Variants in CLVS1 observed in about 807,000 individuals in gnomAD.
CLVS1 encodes the protein clavesin 1.
CLVS1 carries 10 observed loss-of-function variants against 33.1 expected under a neutral mutation model. The ratio of observed to expected loss-of-function variants is 0.30; its 90% CI spans 0.19 to 0.51. CLVS1 has a LOEUF of 0.51. Among genes scored for constraint, CLVS1 ranks in the 20% least tolerant of loss-of-function variants. CLVS1 has a pLI of 0.97. For synonymous variants in CLVS1, 163 were observed against 166.1 expected, an observed-to-expected ratio of 0.98 and a Z score of 0.14; for missense variants, 343 against 433.4, an observed-to-expected ratio of 0.79 and a Z score of 1.85.
chr8:61,062,361 G>T (rs1804597412), intron 1 of CLVS1, among the ~76,000 whole-genome samples: 1 of 152,214 alleles, frequency 6.6e-6, no homozygotes. Flanking sequence ...CAGGCGTAGA[G>T]ACAGGGTTAC....
intron 5 of CLVS1, among the ~76,000 whole-genome samples, chr8:61,486,098 A>AAAATAAAT (rs57652285): frequency 0.034 from 5,143 of 150,276 alleles, 104 homozygotes; most frequent in African/African-American, 0.058. Context: ...AAGTATAATT[A>AAAATAAAT]AAATAAATAA....
intron 2 of CLVS1, among the ~76,000 whole-genome samples, chr8:61,357,494 C>CTTTTTT (rs1167743712): frequency 0.018 from 460 of 25,806 alleles, 31 homozygotes; most frequent in Non-Finnish European, 0.021. Context: ...TTTTTCTTTT[C>CTTTTTT]TTTTTTTTTT....
At chr8:61,161,268 C>T (rs976942935) in intron 2 of CLVS1, among the ~76,000 whole-genome samples, 3 of 152,028 alleles carry the variant, frequency 2.0e-5, no homozygotes, top group East Asian at 1.9e-4. Flanking sequence ...ATGGAGGCAC[C>T]GCAGAAAACT....
At chr8:61,308,797 C>G (rs977564079) in intron 2 of CLVS1, among the ~76,000 whole-genome samples, 14 of 152,154 alleles carry the variant, frequency 9.2e-5, no homozygotes, top group Admixed American at 4.6e-4. Context: ...CCACAAGGAT[C>G]TATGTTTGTA....
At chr8:61,487,072 A>G (rs1462033755) in intron 5 of CLVS1, among the ~76,000 whole-genome samples, 1 of 152,200 alleles carries the variant, frequency 6.6e-6, no homozygotes, top group African/African-American at 2.4e-5. Context: ...AGATCTTGTT[A>G]AAATACAGAT....
At chr8:61,095,363 G>C (rs1453052894) in intron 1 of CLVS1, among the ~76,000 whole-genome samples, 1 of 152,170 alleles carries the variant, frequency 6.6e-6, no homozygotes, top group African/African-American at 2.4e-5. Context: ...CCAGAGCAGG[G>C]GCAGGGCTGG....
intron 3 of CLVS1, among the ~76,000 whole-genome samples, chr8:61,413,164 C>T (rs923713655): frequency 5.3e-5 from 8 of 151,982 alleles, no homozygotes; most frequent in Non-Finnish European, 1.2e-4. Flanking sequence ...GGGTGGAGCC[C>T]AGCCCAAGAT....
At chr8:61,185,308 AT>A (rs11423051) in intron 2 of CLVS1, among the ~76,000 whole-genome samples, 9,198 of 138,700 alleles carry the variant, frequency 0.066, 426 homozygotes, top group African/African-American at 0.14. Context: ...TGCCCGGCTA[AT>A]TTTTTTTTTT....
At chr8:61,467,755 A>C (rs1420129647) in intron 5 of CLVS1, among the ~76,000 whole-genome samples, 1 of 152,218 alleles carries the variant, frequency 6.6e-6, no homozygotes, top group Non-Finnish European at 1.5e-5. Context: ...GCTGTACCAC[A>C]TTGCAGAAGC....
the CLVS1 span, among the ~76,000 whole-genome samples, chr8:60,987,595 C>T: frequency 6.6e-6 from 1 of 152,136 alleles, no homozygotes; most frequent in Non-Finnish European, 1.5e-5. Context: ...AATAGTTAAC[C>T]TCTGAACCTC....
At chr8:61,217,780 G>C (rs990260273) in intron 2 of CLVS1, among the ~76,000 whole-genome samples, 44 of 152,136 alleles carry the variant, frequency 2.9e-4, no homozygotes, top group African/African-American at 8.9e-4. Context: ...TTAATATCCA[G>C]AATATACAAG....
At chr8:61,303,366 C>T (rs1277712544) in intron 2 of CLVS1, among the ~76,000 whole-genome samples, 1 of 152,170 alleles carries the variant, frequency 6.6e-6, no homozygotes, top group Non-Finnish European at 1.5e-5. Context: ...TCAATTCTCT[C>T]TTGTGTAAAA....
chr8:61,141,315 A>AGTT (rs1806304523), intron 2 of CLVS1, among the ~76,000 whole-genome samples: 1 of 151,966 alleles, frequency 6.6e-6, no homozygotes, highest in African/African-American at 2.4e-5. Context: ...CTACCTTATA[A>AGTT]CCTCAGTTGT....
intron 2 of CLVS1, among the ~76,000 whole-genome samples, chr8:61,272,546 G>T (rs1351352656): frequency 3.3e-5 from 5 of 152,266 alleles, no homozygotes; most frequent in East Asian, 3.9e-4. Context: ...GGCCTGCCTT[G>T]CTAGATTGGG....
At chr8:61,084,224 A>G (rs1805077433) in intron 1 of CLVS1, among the ~76,000 whole-genome samples, 1 of 152,196 alleles carries the variant, frequency 6.6e-6, no homozygotes, top group Non-Finnish European at 1.5e-5. Flanking sequence ...CTATTATTTT[A>G]TCTATTTTAG....
intron 1 of CLVS1, among the ~76,000 whole-genome samples, chr8:61,112,062 G>A (rs1805637327): frequency 6.6e-6 from 1 of 151,920 alleles, no homozygotes; most frequent in Admixed American, 6.6e-5. Flanking sequence ...GTTAACTAAA[G>A]TTGTGAATAA....
At chr8:61,228,773 T>A (rs1051829267) in intron 2 of CLVS1, among the ~76,000 whole-genome samples, 5 of 152,208 alleles carry the variant, frequency 3.3e-5, no homozygotes, top group African/African-American at 1.2e-4. Flanking sequence ...ATGTACCACA[T>A]TTTTAATGCA....
chr8:61,417,585 A>G (rs59520368), intron 3 of CLVS1, among the ~76,000 whole-genome samples: 12,664 of 152,210 alleles, frequency 0.083, 1,595 homozygotes, highest in African/African-American at 0.27. Context: ...TTCCATGGAG[A>G]AAGTAAAGAC....
intron 2 of CLVS1, among the ~76,000 whole-genome samples, chr8:61,216,921 T>C (rs1244708094): frequency 6.6e-6 from 1 of 152,198 alleles, no homozygotes; most frequent in African/African-American, 2.4e-5. Flanking sequence ...TATATTTTCC[T>C]TCTGAAGGGT....
Sources: allele counts gnomAD v4.1 joint callset (sites outside exome capture counted in the v4.1 genomes callset), GRCh38; gene constraint gnomAD v4.1.1; transcripts MANE v1.5; gene names NCBI Gene and HGNC (gene_info 2026-07-23, HGNC 2026-07-21).